The following BMPR1B variants were observed in gnomAD, a reference collection of about 807,000 sequenced individuals.
The protein encoded by BMPR1B is bone morphogenetic protein receptor type 1B, also known as bone morphogenetic protein receptor type-1B.
BMPR1B carries 12 observed loss-of-function variants against 59.1 expected under a neutral mutation model. The ratio of observed to expected loss-of-function variants is 0.20; its 90% confidence interval spans 0.13 to 0.33. BMPR1B has a LOEUF of 0.33. Among genes scored for constraint, BMPR1B ranks in the 10% least tolerant of loss-of-function variants. BMPR1B has a pLI of 1.00. For synonymous variants in BMPR1B, 237 were observed against 207.3 expected (o/e 1.14, Z -1.23); for missense variants, 550 against 610.9 (o/e 0.90, Z 1.05).
chr4:94,781,500 C>T (rs994395669), intron 1 of BMPR1B, among the ~76,000 whole-genome samples: 1 of 152,140 alleles, frequency 6.6e-6, no homozygotes, highest in Non-Finnish European at 1.5e-5. Flanking sequence ...GCAACCTCCA[C>T]CTCCCAGATT....
chr4:95,131,562 T>C, intron 10 of BMPR1B, 50 bp downstream of exon 10: 1 of 1,596,990 alleles, frequency 6.3e-7, no homozygotes, highest in Non-Finnish European at 8.6e-7. Context: ...TTTCTGTTAC[T>C]TTTTATTTTG....
At chr4:94,863,974 G>C (rs1726102828) in intron 1 of BMPR1B, among the ~76,000 whole-genome samples, 1 of 152,340 alleles carries the variant, frequency 6.6e-6, no homozygotes, top group Admixed American at 6.5e-5. Context: ...TACACAGGTA[G>C]CTAGTATCTG....
At chr4:95,002,345 T>C (rs2149110696) in intron 3 of BMPR1B, among the ~76,000 whole-genome samples, 1 of 152,316 alleles carries the variant, frequency 6.6e-6, no homozygotes, top group East Asian at 1.9e-4. Flanking sequence ...AGTACCATGG[T>C]GCATATGTAC....
At chr4:94,907,177 G>C (rs1560541246) in intron 2 of BMPR1B, among the ~76,000 whole-genome samples, 1 of 152,098 alleles carries the variant, frequency 6.6e-6, no homozygotes, top group African/African-American at 2.4e-5. Flanking sequence ...AGCTGGATAA[G>C]TGCATCGTGG....
intron 3 of BMPR1B, among the ~76,000 whole-genome samples, chr4:95,052,601 TA>T (rs1427497189): frequency 5.2e-4 from 79 of 152,318 alleles, no homozygotes; most frequent in African/African-American, 1.7e-3. Context: ...ATTATAGAAC[TA>T]ACTTGGCTGT....
intron 3 of BMPR1B, among the ~76,000 whole-genome samples, chr4:94,996,722 G>A (rs1353582701): frequency 1.3e-5 from 2 of 152,142 alleles, no homozygotes; most frequent in African/African-American, 4.8e-5. Context: ...GGTGCCAAAG[G>A]CAAGCACTGA....
chr4:94,759,092 C>G (rs1721654967), intron 1 of BMPR1B, among the ~76,000 whole-genome samples: 1 of 152,172 alleles, frequency 6.6e-6, no homozygotes, highest in South Asian at 2.1e-4. Context: ...CGCTGTGGTG[C>G]GGGTCTTACT....
chr4:95,066,836 A>G (rs1451531161), intron 3 of BMPR1B, among the ~76,000 whole-genome samples: 1 of 152,196 alleles, frequency 6.6e-6, no homozygotes, highest in Non-Finnish European at 1.5e-5. Flanking sequence ...TTAAACTTTG[A>G]GAACCACTGG....
At chr4:94,807,020 A>G (rs969337564) in intron 1 of BMPR1B, among the ~76,000 whole-genome samples, 3 of 152,290 alleles carry the variant, frequency 2.0e-5, no homozygotes, top group South Asian at 4.1e-4. Flanking sequence ...ATATTTTATA[A>G]TGAAAGACAT....
In BMPR1B at chr4:94,998,624, C is replaced by T. The variant is rs374569679; in HGVS notation, c.-18+2490C>T. 3.3e-5 allele frequency among the ~76,000 whole-genome samples: 5 copies of T among 152,158 alleles called. No homozygotes were observed. The East Asian group carries it at 5.8e-4, about 18-fold the overall frequency. On this transcript the variant is annotated intron_variant, in intron 3 of 12. Transcript: ENST00000515059. ...CTGAGCTCAGGTGATCTGCCTGTCT[C>T]GGCCTCCCAAAGTGCTGGGATTACA...
intron 1 of BMPR1B, among the ~76,000 whole-genome samples, chr4:94,763,766 A>G (rs1721867110): frequency 6.6e-6 from 1 of 152,236 alleles, no homozygotes; most frequent in Admixed American, 6.5e-5. Context: ...GCCTTTGTCT[A>G]AATTAATCTC....
intron 3 of BMPR1B, among the ~76,000 whole-genome samples, chr4:95,101,599 T>C (rs6838546): frequency 0.29 from 43,806 of 152,044 alleles, 6,882 homozygotes; most frequent in South Asian, 0.42. Flanking sequence ...CCCCCACATT[T>C]GGCTTAAAAA....
intron 1 of BMPR1B, among the ~76,000 whole-genome samples, chr4:94,770,098 T>C (rs1722115647): frequency 6.6e-6 from 1 of 152,032 alleles, no homozygotes; most frequent in South Asian, 2.1e-4. Context: ...AGAATGCTGA[T>C]CTTTGTTGTT....
chr4:94,944,544 A>G (rs1239855614), intron 2 of BMPR1B, among the ~76,000 whole-genome samples: 1 of 152,168 alleles, frequency 6.6e-6, no homozygotes, highest in African/African-American at 2.4e-5. Context: ...GTGATAACTA[A>G]AGAGAAATTA....
chr4:95,136,693 C>T (rs929029832), intron 10 of BMPR1B, among the ~76,000 whole-genome samples: 46 of 152,082 alleles, frequency 3.0e-4, no homozygotes, highest in African/African-American at 1.1e-3. Context: ...AGTTTATTTG[C>T]GTAGAGGTGT....
chr4:94,819,366 G>A (rs1463975762), intron 1 of BMPR1B, among the ~76,000 whole-genome samples: 1 of 152,178 alleles, frequency 6.6e-6, no homozygotes, highest in Admixed American at 6.5e-5. Flanking sequence ...AATATAAGCA[G>A]CTCATGAACT....
At chr4:95,150,454 GAA>G (rs67483429) in intron 11 of BMPR1B, among the ~76,000 whole-genome samples, 59,853 of 131,092 alleles carry the variant, frequency 0.46, 13,748 homozygotes, top group Admixed American at 0.6. Context: ...TATTTAAAAA[GAA>G]AAAAAAAAAA....
intron 1 of BMPR1B, among the ~76,000 whole-genome samples, chr4:94,864,333 C>G (rs1726118517): frequency 6.6e-6 from 1 of 152,006 alleles, no homozygotes; most frequent in African/African-American, 2.4e-5. Flanking sequence ...AGAGAGATGT[C>G]AGCATAAAGA....
chr4:94,893,367 G>T (rs113529868), intron 2 of BMPR1B, among the ~76,000 whole-genome samples: 11 of 152,034 alleles, frequency 7.2e-5, no homozygotes, highest in African/African-American at 2.6e-4. Flanking sequence ...TTCTTAATGA[G>T]GCTTTACCTC....
Sources: gnomAD v4.1 joint callset for allele counts (sites outside exome capture counted in the v4.1 genomes callset) on GRCh38, gnomAD v4.1.1 for gene constraint, MANE v1.5 for transcripts, NCBI Gene and HGNC (gene_info 2026-07-23, HGNC 2026-07-21) for gene names.